The following RCBTB2 variants were observed in gnomAD, a reference collection of about 807,000 sequenced individuals.
RCBTB2 encodes RCC1 and BTB domain-containing protein 2.
RCBTB2 carries 55 observed loss-of-function variants against 65.4 expected under a neutral mutation model. The ratio of observed to expected loss-of-function variants is 0.84; its 90% CI spans 0.68 to 1.05. The LOEUF is 1.05. Ranked by LOEUF, RCBTB2 falls within the 50% of genes least tolerant of loss-of-function variation. The pLI, the probability that RCBTB2 is intolerant of heterozygous loss-of-function variation, is 0.00. For synonymous variants in RCBTB2, 220 were observed against 255.2 expected (o/e 0.86, Z 1.31); for missense variants, 599 against 680.1 (o/e 0.88, Z 1.33).
At position 48,501,854 on chromosome 13, in the gene RCBTB2, G is replaced by A. The variant is rs754065188; in HGVS notation, c.1132C>T (p.Leu378Phe). ...RLLSVEPDDH[L>F]TVAESLKREF... ...CTCTTCAGTGACTCAGCCACTGTGA[G>A]GTGGTCATCAGGTTCTAGGAGAATA... Residue 378 changes from leucine (L) to phenylalanine (F), a missense_variant, in exon 12 of 15, where the codon CTC becomes TTC. Coordinates refer to ENST00000344532, the MANE Select transcript of RCBTB2 (RefSeq NM_001268.4). 14 of 1,613,774 alleles carry A rather than the reference G, an allele frequency of 8.7e-6. No homozygotes were observed. The South Asian group carries it at 1.4e-4, about 16-fold the overall frequency.
At chr13:48,525,373 GATATATATATATATATAT>G (rs59350616) in intron 1 of RCBTB2, among the ~76,000 whole-genome samples, 1,594 of 54,520 alleles carry the variant, frequency 0.029, 45 homozygotes, top group African/African-American at 0.065. Context: ...AAGGATTCAT[GATATATATATATATATAT>G]ATATATATAT....
At position 48,515,332 on chromosome 13, in the gene RCBTB2, G is replaced by A. The variant is rs1954280194; in HGVS notation, c.222C>T (p.Cys74=). ...CGTCACCTAACCCCAAACAGCCACA[G>A]CAGTTTGTGCCAAGCACAAAAATCT... is the stretch of plus-strand genomic sequence containing the variant. ...NDEIFVLGTN[C]CGCLGLGDVQ... is the part of the protein sequence containing the mutation. Residue 74 remains cysteine (C), a synonymous_variant, in exon 6 of 15, where the codon TGC becomes TGT. Coordinates refer to ENST00000344532, the MANE Select transcript of RCBTB2 (RefSeq NM_001268.4). The A allele has an allele frequency of 3.7e-6, 6 of 1,613,854 alleles. No individual in the cohort carries two copies. The highest frequency in any genetic ancestry group is 5.1e-6 in the Non-Finnish European group (6 of 1,179,922).
At chr13:48,500,797 C>G (rs936110713) in intron 12 of RCBTB2, among the ~76,000 whole-genome samples, 2 of 152,050 alleles carry the variant, frequency 1.3e-5, no homozygotes, top group Non-Finnish European at 2.9e-5. Flanking sequence ...TTAAGCCACC[C>G]GGGCCATAGT....
intron 10 of RCBTB2, among the ~76,000 whole-genome samples, chr13:48,509,064 C>T (rs907946735): frequency 6.6e-6 from 1 of 152,156 alleles, no homozygotes; most frequent in African/African-American, 2.4e-5. Flanking sequence ...GGCGCAGTGG[C>T]TCATACCTGT....
In RCBTB2 at chr13:48,512,785, CTTGT is replaced by C; in HGVS notation, c.456_459del (p.Gln153SerfsTer14). On this transcript the variant is annotated frameshift_variant, in exon 7 of 15. Transcript: ENST00000344532. LOFTEE classifies it high-confidence loss of function. ...TAAGACCCACAGGCAACTTCAATGACTTGTTTGTTTGACAGATTAGTAGAGATAT... is the reference window on the plus strand; with the variant it reads ...TAAGACCCACAGGCAACTTCAATGACTTGTTTGACAGATTAGTAGAGATAT... The C allele has an allele frequency of 6.2e-7, 1 of 1,614,044 alleles. No homozygotes were observed. The highest frequency in any genetic ancestry group is 2.2e-5 in the East Asian group (1 of 44,864).
At chr13:48,513,163 C>T (rs1950900618) in intron 6 of RCBTB2, among the ~76,000 whole-genome samples, 2 of 152,142 alleles carry the variant, frequency 1.3e-5, no homozygotes, top group Admixed American at 1.3e-4. Context: ...GAAAAGGCTG[C>T]TGGGAGTAAT....
chr13:48,515,627 T>C lies in RCBTB2; in HGVS notation c.157A>G (p.Ser53Gly), dbSNP rs1951042723. The part of the protein sequence containing the change: ...QLIRQACVFG[S>G]AGNEVLYTTV... The stretch of plus-strand genomic sequence containing the variant: ...GTGTATAAAACTTCATTGCCAGCAC[T>C]GCCAAAGACACAAGCCTGACGAATT... The change falls in exon 5 of 15, where the codon AGT becomes GGT. Residue 53 changes from serine (S) to glycine (G), a missense_variant. By Grantham distance (56) the Ser-to-Gly change is moderately conservative. Transcript: ENST00000344532. The C allele has an allele frequency of 1.2e-6, 2 of 1,612,798 alleles. No individual in the cohort carries two copies. Among genetic ancestry groups the C allele is most frequent in the Middle Eastern group, 1.7e-4 (1 of 6,056 alleles).
Position 48,515,722 on chromosome 13 carries a change from G to T in RCBTB2, c.62C>A (p.Ser21Ter). The T allele has an allele frequency of 6.2e-7, 1 of 1,611,218 alleles. No homozygotes were observed. The highest frequency in any genetic ancestry group is 8.5e-7 in the Non-Finnish European group (1 of 1,179,248). Residue 21 changes from serine to a stop codon, truncating the protein, a stop_gained, in exon 5 of 15, where the codon TCA (serine) becomes TAA (stop). Transcript: ENST00000344532. LOFTEE classifies it high-confidence loss of function. ...TCCCACATCTAACATCTTCAAAGAT[G>T]ACAGAGTAGCCTGTACTGGCTGAAA... ...DSGKPVQATL[S>*]SLKMLDVGKW...
In RCBTB2 at chr13:48,512,806, T is replaced by TAG. The variant is rs774702824; in HGVS notation, c.437_438dup (p.Thr147LeufsTer22). 1.9e-6 allele frequency: 3 copies of TAG among 1,613,992 alleles called. No homozygotes were observed. The highest frequency in any genetic ancestry group is 2.5e-6 in the Non-Finnish European group (3 of 1,179,880). ...ATGACTTGTTTGTTTGACAGATTAG[T>TAG]AGAGATATGACAGGGCACTAAACCA... On this transcript the variant is annotated frameshift_variant, in exon 7 of 15. Coordinates refer to ENST00000344532, the MANE Select transcript of RCBTB2 (RefSeq NM_001268.4). LOFTEE classifies it high-confidence loss of function.
chr13:48,510,548 C>T, intron 10 of RCBTB2, 81 bp downstream of exon 10: 1 of 1,435,766 alleles, frequency 7.0e-7, no homozygotes, highest in Non-Finnish European at 9.6e-7. Context: ...GTACATTCCC[C>T]ACCATTCTCT....
chr13:48,515,565 AT>A lies in RCBTB2; in HGVS notation c.198+20del. 6.3e-7 allele frequency: 1 copy of A among 1,575,618 alleles called. No homozygotes were observed. The highest frequency in any genetic ancestry group is 2.3e-5 in the East Asian group (1 of 44,378). On this transcript the variant is annotated intron_variant, in intron 5 of 14. Coordinates refer to ENST00000344532, the MANE Select transcript of RCBTB2 (RefSeq NM_001268.4). ...CCATTTCTAAAAATGTGAGTAGCTG[AT>A]TTATTTTCTTCAAAATTACCTCATC...
In RCBTB2 at chr13:48,490,080, G is replaced by A. The variant is rs369594536; in HGVS notation, c.*31C>T. 6.2e-7 allele frequency: 1 copy of A among 1,612,620 alleles called. No individual in the cohort carries two copies. The highest frequency in any genetic ancestry group is 8.5e-7 in the Non-Finnish European group (1 of 1,179,090). ...ATCTCTGGCTTTTGCAGGGGAAATG[G>A]AAAGGCTCAAAAACTTTCCTGCAGA... On this transcript the variant is annotated 3_prime_UTR_variant, in exon 15 of 15. Transcript: ENST00000344532.
At chr13:48,506,571 C>A (rs1345857579) in intron 10 of RCBTB2, among the ~76,000 whole-genome samples, 1 of 152,108 alleles carries the variant, frequency 6.6e-6, no homozygotes, top group African/African-American at 2.4e-5. Context: ...TAAGAAAACC[C>A]CCGGCTGGCA....
intron 4 of RCBTB2, among the ~76,000 whole-genome samples, chr13:48,518,621 T>C (rs1951239579): frequency 6.6e-6 from 1 of 151,390 alleles, no homozygotes; most frequent in Admixed American, 6.6e-5. Context: ...TGTAAAACTA[T>C]GTCCCCAATT....
At chr13:48,512,605 A>C in intron 7 of RCBTB2, 124 bp downstream of exon 7, 1 of 849,304 alleles carries the variant, frequency 1.2e-6, no homozygotes, top group East Asian at 2.6e-5. Context: ...ATTGCTACCA[A>C]AAATAAGGCT....
chr13:48,495,572 C>A (rs947890656), intron 14 of RCBTB2, among the ~76,000 whole-genome samples: 1 of 152,176 alleles, frequency 6.6e-6, no homozygotes, highest in Non-Finnish European at 1.5e-5. Context: ...ATGATTAATT[C>A]CTCAAGATAA....
In RCBTB2 at chr13:48,500,175, A is replaced by C. The variant is rs143051786; in HGVS notation, c.1245-415T>G. The stretch of plus-strand genomic sequence containing the variant: ...GGCCAATACCTCAAAATGTGACCTT[A>C]CTAGGAAAGAGAGCCTTTAAAGAGG... On this transcript the variant is annotated intron_variant, in intron 12 of 14. Coordinates refer to ENST00000344532, the MANE Select transcript of RCBTB2 (RefSeq NM_001268.4). 3.8e-3 allele frequency among the ~76,000 whole-genome samples: 583 copies of C among 152,356 alleles called. 3 individuals are homozygous for C. Among genetic ancestry groups the C allele is most frequent in the Non-Finnish European group, 7.1e-3 (483 of 68,034 alleles).
chr13:48,494,779 A>T (rs1392625258), intron 14 of RCBTB2, among the ~76,000 whole-genome samples: 1 of 152,158 alleles, frequency 6.6e-6, no homozygotes, highest in Non-Finnish European at 1.5e-5. Flanking sequence ...ACCATGAAAC[A>T]TTCTGTGTTG....
At chr13:48,506,603 G>A (rs1246375687) in intron 10 of RCBTB2, among the ~76,000 whole-genome samples, 4 of 152,194 alleles carry the variant, frequency 2.6e-5, no homozygotes, top group African/African-American at 4.8e-5. Flanking sequence ...GGCAGAAGCC[G>A]CGCTGGTCAG....
Sources: allele counts gnomAD v4.1 joint callset (sites outside exome capture counted in the v4.1 genomes callset), GRCh38; gene constraint gnomAD v4.1.1; transcripts MANE v1.5; gene names NCBI Gene and HGNC (gene_info 2026-07-23, HGNC 2026-07-21).